ZNF43: variants seen among roughly 807,000 people sequenced by gnomAD.
ZNF43 encodes zinc finger protein 39-like 1 (KOX 27).
A neutral mutation model predicts 68.4 loss-of-function variants in ZNF43; 44 were observed. The observed-to-expected ratio is 0.64, with a 90% CI of 0.51 to 0.83. The LOEUF (loss-of-function observed/expected upper bound fraction) is 0.83, where lower values mean the gene tolerates loss of function less well. Ranked by LOEUF, ZNF43 falls within the 40% of genes least tolerant of loss-of-function variation. The probability of loss-of-function intolerance (pLI) is 0.00; values close to 1 mark genes in which losing one functional copy is unlikely to be tolerated. For synonymous variants in ZNF43, 308 were observed against 307.8 expected (o/e 1.00, Z -0.01); for missense variants, 896 against 933.2 (o/e 0.96, Z 0.52).
At chr19:21,815,538 T>C (rs2037488617) in intron 3 of ZNF43, among the ~76,000 whole-genome samples, 1 of 149,258 alleles carries the variant, frequency 6.7e-6, no homozygotes, top group South Asian at 2.2e-4. Context: ...GCCTCTGATA[T>C]ATAAAACAAA....
At chr19:21,810,957 C>T (rs563989191) in intron 3 of ZNF43, among the ~76,000 whole-genome samples, 5 of 151,824 alleles carry the variant, frequency 3.3e-5, no homozygotes, top group East Asian at 2.0e-4. Flanking sequence ...ACAACAACAA[C>T]GACGACGACA....
At chr19:21,812,539 T>TA (rs796603008) in intron 3 of ZNF43, among the ~76,000 whole-genome samples, 64 of 135,166 alleles carry the variant, frequency 4.7e-4, no homozygotes, top group African/African-American at 9.8e-4. Flanking sequence ...GACACAAAAT[T>TA]ACAATTTGTA....
intron 1 of ZNF43, among the ~76,000 whole-genome samples, chr19:21,847,532 A>T (rs1305652334): frequency 1.3e-5 from 2 of 152,116 alleles, no homozygotes; most frequent in Non-Finnish European, 2.9e-5. Context: ...CCCCATCTCT[A>T]CTAAAAATAC....
At chr19:21,833,598 T>A (rs117733188) in intron 1 of ZNF43, among the ~76,000 whole-genome samples, 5,327 of 151,428 alleles carry the variant, frequency 0.035, 174 homozygotes, top group South Asian at 0.15. Context: ...ATAGCCATGG[T>A]GGTTATCTTG....
At chr19:21,816,268 G>A (rs893263023) in intron 3 of ZNF43, among the ~76,000 whole-genome samples, 11 of 152,212 alleles carry the variant, frequency 7.2e-5, no homozygotes, top group African/African-American at 2.4e-4. Context: ...GGTACATTGA[G>A]GTAGGAGAAT....
At chr19:21,814,838 A>G (rs2037442563) in intron 3 of ZNF43, among the ~76,000 whole-genome samples, 1 of 152,138 alleles carries the variant, frequency 6.6e-6, no homozygotes, top group Admixed American at 6.6e-5. Flanking sequence ...TACACTGAAG[A>G]AATACACTAA....
chr19:21,836,510 C>A (rs931860713), upstream of ZNF43, among the ~76,000 whole-genome samples: 34 of 152,182 alleles, frequency 2.2e-4, no homozygotes, highest in Admixed American at 2.2e-3. Context: ...TGAATTTCAG[C>A]TTTTATGACC....
In ZNF43 at chr19:21,808,849, T is replaced by C. The variant is rs745617122; in HGVS notation, c.1188A>G (p.Lys396=). Reference sequence around the variant, plus strand: ...TGCCACATTCTTCACATTTGTAGGGTTTCTTTTCAGTATGAATTTTCTTAT... The same window carrying C: ...TGCCACATTCTTCACATTTGTAGGGCTTCTTTTCAGTATGAATTTTCTTAT... ...TKHKKIHTEK[K]PYKCEECGKA... is the part of the protein sequence containing the mutation. The change falls in exon 4 of 4, where the codon AAA becomes AAG. Residue 396 remains lysine, a synonymous_variant. Coordinates refer to ENST00000354959, the MANE Select transcript of ZNF43 (RefSeq NM_003423.4). 26 of 1,613,708 alleles carry C rather than the reference T, an allele frequency of 1.6e-5. No individual in the cohort carries two copies. Among genetic ancestry groups the C allele is most frequent in the Admixed American group, 3.3e-5 (2 of 59,986 alleles).
In ZNF43 at chr19:21,825,214, A is replaced by G. The variant is rs557973641; in HGVS notation, c.4-5993T>C. Among the ~76,000 whole-genome samples the G allele has an allele frequency of 2.0e-5, 3 of 152,316 alleles. No homozygotes were observed. In the South Asian group the frequency reaches 6.2e-4, roughly 32 times the overall value. On this transcript the variant is annotated intron_variant, in intron 1 of 3. Transcript: ENST00000354959. ...GCACCATTGTACTCCAGCCTGGGCAACAAGAGTGAAACTGTCTCAAAAATC... is the reference window on the plus strand; with the variant it reads ...GCACCATTGTACTCCAGCCTGGGCAGCAAGAGTGAAACTGTCTCAAAAATC...
At chr19:21,842,102 T>A (rs2145393424) in intron 1 of ZNF43, among the ~76,000 whole-genome samples, 1 of 152,178 alleles carries the variant, frequency 6.6e-6, no homozygotes, top group African/African-American at 2.4e-5. Flanking sequence ...ACCAAGGTGC[T>A]AGGCCCAGTG....
chr19:21,811,067 A>G (rs2037248777), intron 3 of ZNF43, among the ~76,000 whole-genome samples: 1 of 152,214 alleles, frequency 6.6e-6, no homozygotes, highest in Non-Finnish European at 1.5e-5. Flanking sequence ...AAAATATATC[A>G]AAATAAAACA....
At chr19:21,846,260 T>C (rs1039168377) in intron 1 of ZNF43, among the ~76,000 whole-genome samples, 32 of 152,154 alleles carry the variant, frequency 2.1e-4, no homozygotes, top group African/African-American at 7.0e-4. Context: ...ATATCTCACA[T>C]TTCTTACTGT....
intron 1 of ZNF43, among the ~76,000 whole-genome samples, chr19:21,843,692 G>A (rs1282489538): frequency 2.0e-5 from 3 of 152,168 alleles, no homozygotes; most frequent in African/African-American, 7.2e-5. Flanking sequence ...GGGAGGCTGA[G>A]GCAGGAGAAT....
At chr19:21,836,352 CT>C, upstream of ZNF43, 1 of 985,274 alleles carries the variant, frequency 1.0e-6, no homozygotes, top group African/African-American at 1.7e-5. Flanking sequence ...GAATGACAGC[CT>C]AGGCTGCCGC....
rs761528488 is a variant in ZNF43 at position 21,808,406 on chromosome 19, C to T, written c.1631G>A (p.Gly544Asp). Residue 544 changes from glycine to aspartate, a missense_variant, in exon 4 of 4, where the codon GGC becomes GAC. By Grantham distance (94) the Gly-to-Asp change is moderately conservative. Transcript: ENST00000354959. ...GATTGAGAAATGGTTAAAAGCTTTGCCACATTCTTCACATTTGTAGGGTTT... is the reference window on the plus strand; with the variant it reads ...GATTGAGAAATGGTTAAAAGCTTTGTCACATTCTTCACATTTGTAGGGTTT... ...GEKPYKCEEC[G>D]KAFNHFSILT... is the part of the protein sequence containing the mutation. The T allele has an allele frequency of 8.7e-6, 14 of 1,612,780 alleles. No individual in the cohort carries two copies. Among genetic ancestry groups the T allele is most frequent in the Non-Finnish European group, 1.2e-5 (14 of 1,179,868 alleles).
chr19:21,809,945 A>T, intron 3 of ZNF43, 138 bp from the exon 4 acceptor site: 1 of 836,742 alleles, frequency 1.2e-6, no homozygotes, highest in Non-Finnish European at 1.7e-6. Flanking sequence ...TTATTTATAG[A>T]CATATAAATG....
intron 1 of ZNF43, among the ~76,000 whole-genome samples, chr19:21,835,355 GTTTTTTTT>G (rs554756455): frequency 8.4e-6 from 1 of 119,626 alleles, no homozygotes; most frequent in South Asian, 2.8e-4. Flanking sequence ...ATCTAGTTTA[GTTTTTTTT>G]TTTTTTTTTT....
upstream of ZNF43, among the ~76,000 whole-genome samples, chr19:21,839,331 C>CAAAAAA (rs61335194): frequency 1.2e-3 from 33 of 28,292 alleles, no homozygotes; most frequent in African/African-American, 2.3e-3. Context: ...AGAGATCAGG[C>CAAAAAA]AAAAAAAAAA....
chr19:21,836,330 TGAAA>T (rs2038737652), upstream of ZNF43: 3 of 1,104,536 alleles, frequency 2.7e-6, no homozygotes, highest in Admixed American at 3.7e-5. Context: ...GACGCTGGGC[TGAAA>T]GAAGAAAGAA....
Sources: gnomAD v4.1 joint callset for allele counts (sites outside exome capture counted in the v4.1 genomes callset) on GRCh38, gnomAD v4.1.1 for gene constraint, MANE v1.5 for transcripts, NCBI Gene and HGNC (gene_info 2026-07-23, HGNC 2026-07-21) for gene names.